Variants in ACACB observed in about 807,000 individuals in gnomAD.
ACACB encodes the protein acetyl-CoA carboxylase beta.
ACACB carries 209 observed loss-of-function variants against 278.8 expected under a neutral mutation model. The observed-to-expected ratio is 0.75, with a 90% CI of 0.67 to 0.84. The LOEUF is 0.84. ACACB is among the 40% of genes least tolerant of loss of function. The pLI is 0.00. For synonymous variants in ACACB, 1,174 were observed against 1,285.6 expected (o/e 0.91, Z 1.86); for missense variants, 2,850 against 3,269.0 (o/e 0.87, Z 3.13).
intron 2 of ACACB, among the ~76,000 whole-genome samples, chr12:109,161,412 G>A (rs374036449): frequency 6.6e-6 from 1 of 151,910 alleles, no homozygotes; most frequent in Non-Finnish European, 1.5e-5. Context: ...ACATGGTGGC[G>A]GGCACCTGTA....
At chr12:109,264,123 C>G in intron 49 of ACACB, 109 bp from the exon 50 acceptor site, 1 of 1,290,966 alleles carries the variant, frequency 7.7e-7, no homozygotes, top group Non-Finnish European at 1.1e-6. Context: ...AAGGCAAGGC[C>G]TGTCCTGCAA....
chr12:109,167,821 T>C, intron 3 of ACACB, 75 bp from the exon 4 acceptor site: 2 of 1,607,954 alleles, frequency 1.2e-6, no homozygotes, highest in African/African-American at 1.3e-5. Flanking sequence ...AGCTGTGAGG[T>C]GGACTCGGGG....
chr12:109,241,834 A>G (rs1450874673), intron 36 of ACACB: 2 of 159,726 alleles, frequency 1.3e-5, no homozygotes, highest in African/African-American at 4.8e-5. Context: ...ATATATATAC[A>G]CGCCATTTTT....
Position 109,206,865 on chromosome 12 carries a change from ACCTAT to A in ACACB, c.3060+10_3060+14del. 6.2e-7 allele frequency: 1 copy of A among 1,614,168 alleles called. No individual in the cohort carries two copies. The highest frequency in any genetic ancestry group is 8.5e-7 in the Non-Finnish European group (1 of 1,180,030). On this transcript the variant is annotated intron_variant, in intron 20 of 52. Transcript: ENST00000338432. ...CCGTTTTTAGCATAAAGGTAAAGTC[ACCTAT>A]GAGCGCAGGCGTGTAGACCAGTGCG...
chr12:109,253,220 C>A, intron 43 of ACACB, 62 bp downstream of exon 43: 1 of 1,446,340 alleles, frequency 6.9e-7, no homozygotes, highest in East Asian at 2.4e-5. Flanking sequence ...TTGGCTAATT[C>A]TGTCCCTGTC....
Position 109,227,460 on chromosome 12 carries a change from G to A in ACACB, c.3972G>A (p.Gln1324=). 1.9e-6 allele frequency: 3 copies of A among 1,614,078 alleles called. No homozygotes were observed. Among genetic ancestry groups the A allele is most frequent in the Non-Finnish European group, 2.5e-6 (3 of 1,179,988 alleles). ...LPDGTCVVEF[Q]FMLPSSHPNR... is the part of the protein sequence containing the mutation. Reference sequence around the variant, plus strand: ...ACGGCACCTGCGTGGTAGAATTCCAGTTCATGCTGCCGTCCTCCCACCCAA... The same window carrying A: ...ACGGCACCTGCGTGGTAGAATTCCAATTCATGCTGCCGTCCTCCCACCCAA... Residue 1324 remains glutamine, a synonymous_variant, in exon 28 of 53, where the codon CAG becomes CAA. Coordinates refer to ENST00000338432, the MANE Select transcript of ACACB (RefSeq NM_001093.4).
chr12:109,174,073 G>T, intron 6 of ACACB, 59 bp from the exon 7 acceptor site: 2 of 1,482,346 alleles, frequency 1.3e-6, no homozygotes, highest in Non-Finnish European at 1.8e-6. Flanking sequence ...TCGGCCTTCA[G>T]CCTCGAGGGT....
intron 18 of ACACB, 111 bp downstream of exon 18, chr12:109,199,663 A>G (rs1485002183): frequency 8.8e-7 from 1 of 1,136,856 alleles, no homozygotes; most frequent in East Asian, 3.0e-5. Context: ...CACTGTCTGC[A>G]AATTTCTAAG....
At chr12:109,187,195 C>T (rs1018657197) in intron 12 of ACACB, among the ~76,000 whole-genome samples, 16 of 152,000 alleles carry the variant, frequency 1.1e-4, no homozygotes, top group East Asian at 3.9e-4. Flanking sequence ...GAAATACCAA[C>T]GAAATGGCCT....
intron 1 of ACACB, among the ~76,000 whole-genome samples, chr12:109,125,995 G>A (rs1022140713): frequency 6.6e-6 from 1 of 152,116 alleles, no homozygotes; most frequent in Non-Finnish European, 1.5e-5. Context: ...ACGAGGGCAG[G>A]GCTGGGCCAT....
In ACACB at chr12:109,241,150, GAGGTCA is replaced by G; in HGVS notation, c.4894_4899del (p.Val1632_Lys1633del). 1.9e-6 allele frequency: 3 copies of G among 1,614,192 alleles called. No individual in the cohort carries two copies. Among genetic ancestry groups the G allele is most frequent in the Non-Finnish European group, 2.5e-6 (3 of 1,180,048 alleles). The stretch of plus-strand genomic sequence containing the variant: ...GTGGAAACTCCGTGTGCTACAGGCT[GAGGTCA>G]AGATCAACATCCGCCAGACCACCAC... On this transcript the variant is annotated inframe_deletion, in exon 36 of 53. Transcript: ENST00000338432.
chr12:109,240,767 A>C (rs1002143157), intron 35 of ACACB, among the ~76,000 whole-genome samples: 1 of 152,006 alleles, frequency 6.6e-6, no homozygotes, highest in African/African-American at 2.4e-5. Context: ...GCTTGAGTCA[A>C]AGGCATGTAA....
At chr12:109,214,142 G>C (rs961453446) in intron 22 of ACACB, among the ~76,000 whole-genome samples, 8 of 151,878 alleles carry the variant, frequency 5.3e-5, no homozygotes, top group African/African-American at 1.9e-4. Context: ...TGTACCTATA[G>C]GCCCAGCTAC....
At chr12:109,262,950 T>A (rs1413564566) in intron 49 of ACACB, 1 of 62,470 alleles carries the variant, frequency 1.6e-5, no homozygotes, top group Non-Finnish European at 3.9e-5. Context: ...CTTTTTAACA[T>A]TATATATATA....
intron 45 of ACACB, 82 bp downstream of exon 45, chr12:109,256,318 A>G: frequency 9.2e-7 from 1 of 1,082,986 alleles, no homozygotes; most frequent in Non-Finnish European, 1.4e-6. Context: ...AGGGACCTCC[A>G]GGGGCAATTT....
At chr12:109,218,771 CTTT>C (rs147342736) in intron 24 of ACACB, among the ~76,000 whole-genome samples, 3 of 135,562 alleles carry the variant, frequency 2.2e-5, no homozygotes, top group Admixed American at 7.5e-5. Flanking sequence ...TTCTATCTAT[CTTT>C]TTTTTTTTTT....
chr12:109,260,388 C>G, intron 47 of ACACB, 92 bp from the exon 48 acceptor site: 1 of 1,503,980 alleles, frequency 6.6e-7, no homozygotes, highest in South Asian at 1.2e-5. Flanking sequence ...CAGCTGGGCT[C>G]ACTCTCCCAG....
At chr12:109,184,863 T>C (rs1301236310) in intron 11 of ACACB, among the ~76,000 whole-genome samples, 1 of 152,038 alleles carries the variant, frequency 6.6e-6, no homozygotes, top group African/African-American at 2.4e-5. Context: ...CAAGTCACCA[T>C]GCCTGGCTAA....
rs554641873 is a variant in ACACB, at chr12:109,206,651, G to A, written c.2914-59G>A. On this transcript the variant is annotated intron_variant, in intron 19 of 52. Coordinates refer to ENST00000338432, the MANE Select transcript of ACACB (RefSeq NM_001093.4). ...ATCTGTCCTGCCTCCCGTTCTGCCC[G>A]GTCCCATTTGGAATTCCCAGAGTTT... The A allele has an allele frequency of 7.6e-5, 122 of 1,602,368 alleles. No homozygotes were observed. In the African/African-American group the frequency reaches 9.5e-4, roughly 12 times the overall value.
Sources: allele counts gnomAD v4.1 joint callset (sites outside exome capture counted in the v4.1 genomes callset), GRCh38; gene constraint gnomAD v4.1.1; transcripts MANE v1.5; gene names NCBI Gene and HGNC (gene_info 2026-07-23, HGNC 2026-07-21).